Variants in NAV2 observed in about 807,000 individuals in gnomAD.
NAV2 encodes neuron navigator 2.
A neutral mutation model predicts 223.2 loss-of-function variants in NAV2; 54 were observed. The observed-to-expected ratio is 0.24, with a 90% CI of 0.19 to 0.30. The LOEUF (loss-of-function observed/expected upper bound fraction) is 0.30. Ranked by LOEUF, NAV2 falls within the 10% of genes least tolerant of loss-of-function variation. The pLI is 1.00. For missense variants in NAV2, 2,806 were observed against 3,147.5 expected (o/e 0.89, Z 2.60); for synonymous variants, 1,279 against 1,239.3 (o/e 1.03, Z -0.67).
intron 6 of NAV2, among the ~76,000 whole-genome samples, chr11:19,920,363 C>T (rs1205674954): frequency 6.6e-6 from 1 of 152,248 alleles, no homozygotes; most frequent in African/African-American, 2.4e-5. Flanking sequence ...TCTCAGCTCA[C>T]TGCAACCTCT....
At chr11:19,546,001 A>T (rs1428297623) in intron 1 of NAV2, among the ~76,000 whole-genome samples, 1 of 152,152 alleles carries the variant, frequency 6.6e-6, no homozygotes, top group Admixed American at 6.5e-5. Context: ...GAACTGTTCC[A>T]AGTAGGTTGG....
chr11:19,915,931 A>T (rs7948780), intron 6 of NAV2, among the ~76,000 whole-genome samples: 5,164 of 152,240 alleles, frequency 0.034, 296 homozygotes, highest in African/African-American at 0.12. Context: ...TACAGCTCAG[A>T]CTCTGGAGCC....
intron 17 of NAV2, among the ~76,000 whole-genome samples, chr11:20,052,852 C>G (rs1299470937): frequency 6.6e-6 from 1 of 152,148 alleles, no homozygotes; most frequent in Non-Finnish European, 1.5e-5. Context: ...AAGAATCCCC[C>G]TATTGACATA....
At chr11:19,574,698 G>A (rs1463832228) in intron 1 of NAV2, among the ~76,000 whole-genome samples, 2 of 152,172 alleles carry the variant, frequency 1.3e-5, no homozygotes, top group South Asian at 2.1e-4. Context: ...TCCTGCTACC[G>A]TGGAGCATAG....
chr11:19,955,154 C>T (rs1463237457), intron 10 of NAV2, among the ~76,000 whole-genome samples: 1 of 152,020 alleles, frequency 6.6e-6, no homozygotes, highest in Non-Finnish European at 1.5e-5. Flanking sequence ...CATCTGCAAT[C>T]CCAGCACTTT....
chr11:20,094,108 A>C (rs939612205), intron 29 of NAV2, among the ~76,000 whole-genome samples: 2 of 152,032 alleles, frequency 1.3e-5, no homozygotes, highest in Non-Finnish European at 2.9e-5. Context: ...GCATTTTGGC[A>C]CTTCCATTAG....
chr11:19,800,093 A>G (rs75741208), intron 1 of NAV2, among the ~76,000 whole-genome samples: 5,022 of 152,306 alleles, frequency 0.033, 264 homozygotes, highest in African/African-American at 0.11. Flanking sequence ...TAATGCAGGT[A>G]TGACATTAGT....
chr11:20,065,859 C>A (rs1488883168), intron 20 of NAV2, among the ~76,000 whole-genome samples: 1 of 152,160 alleles, frequency 6.6e-6, no homozygotes, highest in Non-Finnish European at 1.5e-5. Context: ...TAACTTGTAC[C>A]CTTTGGATTG....
chr11:19,657,841 C>A (rs926916685), intron 1 of NAV2, among the ~76,000 whole-genome samples: 1 of 151,992 alleles, frequency 6.6e-6, no homozygotes, highest in Non-Finnish European at 1.5e-5. Context: ...GGAAGGGGAG[C>A]CCAGGGTGAT....
intron 1 of NAV2, among the ~76,000 whole-genome samples, chr11:19,448,844 C>A (rs2133770136): frequency 6.6e-6 from 1 of 152,248 alleles, no homozygotes; most frequent in Admixed American, 6.5e-5. Context: ...GACTCTTTGG[C>A]AATGAAGTTA....
chr11:19,480,707 G>A (rs1013555509), intron 1 of NAV2, among the ~76,000 whole-genome samples: 6 of 152,284 alleles, frequency 3.9e-5, no homozygotes, highest in Non-Finnish European at 5.9e-5. Context: ...CATTAAATAT[G>A]GGGCTTTATC....
chr11:19,460,245 T>C (rs1852107536), intron 1 of NAV2, among the ~76,000 whole-genome samples: 1 of 152,230 alleles, frequency 6.6e-6, no homozygotes, highest in Non-Finnish European at 1.5e-5. Context: ...TTTGAGGAAG[T>C]AGCTGCTGAC....
intron 1 of NAV2, among the ~76,000 whole-genome samples, chr11:19,657,049 C>T (rs747091927): frequency 1.6e-4 from 24 of 152,134 alleles, no homozygotes; most frequent in Non-Finnish European, 3.1e-4. Flanking sequence ...TTTGAGATGT[C>T]TTCTAGATGT....
chr11:19,555,452 G>T (rs542581242), intron 1 of NAV2, among the ~76,000 whole-genome samples: 1 of 152,066 alleles, frequency 6.6e-6, no homozygotes, highest in Admixed American at 6.6e-5. Context: ...GACCTGGGGG[G>T]GGCTCTGGGC....
chr11:19,887,576 T>A (rs1172256146), intron 5 of NAV2, among the ~76,000 whole-genome samples: 1 of 152,132 alleles, frequency 6.6e-6, no homozygotes, highest in Non-Finnish European at 1.5e-5. Context: ...AAATATAAAT[T>A]AATAAAGTCT....
chr11:19,565,057 C>G (rs988196657), intron 1 of NAV2, among the ~76,000 whole-genome samples: 2 of 152,244 alleles, frequency 1.3e-5, no homozygotes, highest in Middle Eastern at 3.4e-3. Flanking sequence ...ATCTCTTGAA[C>G]CCAAGAGGCA....
intron 1 of NAV2, among the ~76,000 whole-genome samples, chr11:19,524,575 C>T (rs12288142): frequency 0.014 from 2,142 of 152,232 alleles, 67 homozygotes; most frequent in African/African-American, 0.049. Flanking sequence ...GAGTTCAGCT[C>T]CCAGGGCTGC....
At chr11:19,750,303 C>T (rs1283751361) in intron 1 of NAV2, among the ~76,000 whole-genome samples, 1 of 152,198 alleles carries the variant, frequency 6.6e-6, no homozygotes, top group East Asian at 1.9e-4. Context: ...TGATTAAAGA[C>T]ATTTTCTGAA....
intron 1 of NAV2, among the ~76,000 whole-genome samples, chr11:19,474,522 G>A (rs2042059627): frequency 6.6e-6 from 1 of 152,204 alleles, no homozygotes; most frequent in African/African-American, 2.4e-5. Flanking sequence ...GCTACTGTGG[G>A]CGCTGATGCT....
Sources: allele counts gnomAD v4.1 joint callset (sites outside exome capture counted in the v4.1 genomes callset), GRCh38; gene constraint gnomAD v4.1.1; transcripts MANE v1.5; gene names NCBI Gene and HGNC (gene_info 2026-07-23, HGNC 2026-07-21).